The following SH3PXD2B variants were observed in gnomAD, a reference collection of about 807,000 sequenced individuals.
SH3PXD2B encodes the protein SH3 and PX domains 2B.
Under a neutral mutation model 73.1 loss-of-function variants are expected in SH3PXD2B, and 37 were observed. The ratio of observed to expected loss-of-function variants is 0.51; its 90% CI spans 0.39 to 0.67. The LOEUF (loss-of-function observed/expected upper bound fraction) is 0.67. Among genes scored for constraint, SH3PXD2B ranks in the 30% least tolerant of loss-of-function variants. SH3PXD2B has a pLI of 0.00. For missense variants in SH3PXD2B, 1,053 were observed against 1,197.8 expected (o/e 0.88, Z 1.78); for synonymous variants, 457 against 480.5 (o/e 0.95, Z 0.64).
At chr5:172,403,097 C>G (rs1489519517) in intron 3 of SH3PXD2B, among the ~76,000 whole-genome samples, 1 of 152,260 alleles carries the variant, frequency 6.6e-6, no homozygotes, top group Non-Finnish European at 1.5e-5. Flanking sequence ...GTGTGCATCT[C>G]AGGGAAGGAG....
chr5:172,439,259 AAAAAC>A (rs1759473884), intron 1 of SH3PXD2B, among the ~76,000 whole-genome samples: 1 of 73,102 alleles, frequency 1.4e-5, no homozygotes, highest in African/African-American at 5.4e-5. Flanking sequence ...AAGAAAAAAA[AAAAAC>A]AAAAACAAAA....
At chr5:172,352,765 A>G (rs1301086058) in intron 9 of SH3PXD2B, among the ~76,000 whole-genome samples, 3 of 152,160 alleles carry the variant, frequency 2.0e-5, no homozygotes, top group East Asian at 1.9e-4. Context: ...TATGTAAGAA[A>G]TGCTTTTCAC....
intron 10 of SH3PXD2B, among the ~76,000 whole-genome samples, chr5:172,349,912 A>G (rs1408000212): frequency 6.6e-6 from 1 of 151,914 alleles, no homozygotes; most frequent in Non-Finnish European, 1.5e-5. Context: ...CGCGAGTGCA[A>G]TGGTGCATCT....
At chr5:172,422,675 G>A (rs926316832) in intron 1 of SH3PXD2B, among the ~76,000 whole-genome samples, 179 bp from the exon 2 acceptor site, 1 of 152,230 alleles carries the variant, frequency 6.6e-6, no homozygotes, top group Non-Finnish European at 1.5e-5. Context: ...AATAAAATGA[G>A]TGTAATAACC....
chr5:172,328,520 T>G (rs1756488124), downstream of SH3PXD2B, among the ~76,000 whole-genome samples: 1 of 152,164 alleles, frequency 6.6e-6, no homozygotes, highest in Admixed American at 6.5e-5. Flanking sequence ...TTTTTAAGAA[T>G]CCTAATAAAT....
chr5:172,329,779 C>T (rs944372651), downstream of SH3PXD2B, among the ~76,000 whole-genome samples: 4 of 152,096 alleles, frequency 2.6e-5, no homozygotes, highest in Admixed American at 1.3e-4. Flanking sequence ...CCTCGTGATC[C>T]GCCCGCCTCG....
At chr5:172,346,395 A>G in intron 11 of SH3PXD2B, 134 bp from the exon 12 acceptor site, 1 of 1,387,800 alleles carries the variant, frequency 7.2e-7, no homozygotes, top group South Asian at 1.2e-5. Flanking sequence ...ATTCTAAGGG[A>G]CAACACAAAT....
intron 1 of SH3PXD2B, among the ~76,000 whole-genome samples, chr5:172,450,074 G>A (rs1351288941): frequency 6.6e-6 from 1 of 152,166 alleles, no homozygotes; most frequent in Non-Finnish European, 1.5e-5. Flanking sequence ...GATGGCAAAT[G>A]GGCGTGGGGG....
chr5:172,434,782 G>GTTTTTTTTTTTTTGT (rs747705663), intron 1 of SH3PXD2B, among the ~76,000 whole-genome samples: 10 of 66,348 alleles, frequency 1.5e-4, no homozygotes, highest in African/African-American at 4.6e-4. Flanking sequence ...ATGGCCAATG[G>GTTTTTTTTTTTTTGT]TTTTTTTTTT....
chr5:172,352,442 G>T lies in SH3PXD2B; in HGVS notation c.785+1446C>A, dbSNP rs1296802176. 2.6e-5 allele frequency among the ~76,000 whole-genome samples: 4 copies of T among 152,130 alleles called. No individual in the cohort carries two copies. In the South Asian group the frequency reaches 6.2e-4, roughly 24 times the overall value. On this transcript the variant is annotated intron_variant, in intron 9 of 12. Transcript: ENST00000311601. ...GGATCATGCTATGTTGCCCGGGCTG[G>T]TCTTGAATTCCTGGCCTCAAGTGAT...
At chr5:172,355,354 C>T (rs1300095446) in intron 8 of SH3PXD2B, among the ~76,000 whole-genome samples, 5 of 152,170 alleles carry the variant, frequency 3.3e-5, no homozygotes, top group Non-Finnish European at 5.9e-5. Context: ...CCCTCCTTCA[C>T]GGAAGCTGCA....
chr5:172,356,953 C>T (rs1286187568), intron 8 of SH3PXD2B, among the ~76,000 whole-genome samples: 1 of 152,048 alleles, frequency 6.6e-6, no homozygotes, highest in Non-Finnish European at 1.5e-5. Context: ...TAACCGTGAA[C>T]TTGGGTGAAG....
chr5:172,410,546 G>C lies in SH3PXD2B; in HGVS notation c.157-4194C>G, dbSNP rs182207928. Among the ~76,000 whole-genome samples, 10 of 152,278 alleles carry C rather than the reference G, an allele frequency of 6.6e-5. No individual in the cohort carries two copies. In the East Asian group the frequency reaches 1.9e-3, roughly 29 times the overall value. On this transcript the variant is annotated intron_variant, in intron 2 of 12. Transcript: ENST00000311601. ...GAGAGGTTGTGAGTGGCGAGGACAA[G>C]GGGCTATGCTCTGTACTTTCCAGTC... is the stretch of plus-strand genomic sequence containing the variant.
chr5:172,334,271 C>A lies in SH3PXD2B; in HGVS notation c.*4098G>T, dbSNP rs1432737832. The A allele has an allele frequency of 2.9e-6, 3 of 1,018,432 alleles. No homozygotes were observed. Among genetic ancestry groups the A allele is most frequent in the Non-Finnish European group, 3.5e-6 (3 of 853,542 alleles). 63.1% of individuals were successfully genotyped at this position (1,018,432 alleles called of 1,614,324 possible). A position where few individuals can be genotyped will look rare whatever the true frequency, so the allele number is the denominator to read the frequency against. ...GCTCTGAAGGAGGTCCATGAGCAGGCAAGGACTGTGGAGCCTCCGGTTCCA... is the reference window on the plus strand; with the variant it reads ...GCTCTGAAGGAGGTCCATGAGCAGGAAAGGACTGTGGAGCCTCCGGTTCCA... On this transcript the variant is annotated 3_prime_UTR_variant, in exon 13 of 13. Transcript: ENST00000311601.
intron 4 of SH3PXD2B, among the ~76,000 whole-genome samples, chr5:172,386,682 G>T (rs550395156): frequency 6.6e-6 from 1 of 152,220 alleles, no homozygotes; most frequent in South Asian, 2.1e-4. Context: ...CCAGGCTGTA[G>T]CACGGGGTGG....
chr5:172,353,762 C>T lies in SH3PXD2B; in HGVS notation c.785+126G>A, dbSNP rs546900474. On this transcript the variant is annotated intron_variant, in intron 9 of 12. Transcript: ENST00000311601. This position sits in a 1 kb window ranked among gnomAD's most constrained non-coding sequence, Gnocchi z 4.3. ...AGAGGAGAAGTATCCTTTTATGGTTCAGGCGGAAACTTCGCCCAGATGCAA... is the reference window on the plus strand; with the variant it reads ...AGAGGAGAAGTATCCTTTTATGGTTTAGGCGGAAACTTCGCCCAGATGCAA... The T allele has an allele frequency of 6.4e-6, 5 of 784,438 alleles. No homozygotes were observed. The Admixed American group carries it at 6.9e-5, about 11-fold the overall frequency. The allele number at this position is 784,438 out of a possible 1,614,324, so 48.6% of individuals were successfully genotyped here.
chr5:172,350,614 T>A lies in SH3PXD2B; in HGVS notation c.786-25A>T, dbSNP rs1420519297. 1.9e-6 allele frequency: 3 copies of A among 1,575,322 alleles called. No homozygotes were observed. In the Admixed American group the frequency reaches 5.5e-5, roughly 29 times the overall value. On this transcript the variant is annotated intron_variant, in intron 9 of 12. Transcript: ENST00000311601. ...CCTGTGAAGAGGAGGAAGGATGCTGTCAAACTGCTCCGCCAGGCCCAAGGG... is the reference window on the plus strand; with the variant it reads ...CCTGTGAAGAGGAGGAAGGATGCTGACAAACTGCTCCGCCAGGCCCAAGGG...
chr5:172,355,284 C>T (rs767231908), intron 8 of SH3PXD2B, among the ~76,000 whole-genome samples: 2 of 152,222 alleles, frequency 1.3e-5, no homozygotes, highest in Admixed American at 6.5e-5. Flanking sequence ...CTGACCTGCT[C>T]GGCGGGGGCC....
chr5:172,340,350 T>A (rs1240403951), intron 12 of SH3PXD2B, among the ~76,000 whole-genome samples: 1 of 152,084 alleles, frequency 6.6e-6, no homozygotes, highest in Non-Finnish European at 1.5e-5. Context: ...ATGCGTGCAT[T>A]TATCTATTGA....
Sources: allele counts gnomAD v4.1 joint callset (sites outside exome capture counted in the v4.1 genomes callset), GRCh38; gene constraint gnomAD v4.1.1; non-coding constraint Gnocchi (gnomAD v3.1); transcripts MANE v1.5; gene names NCBI Gene and HGNC (gene_info 2026-07-23, HGNC 2026-07-21).